Variants in DACH1 observed in about 807,000 individuals in gnomAD.
The protein encoded by DACH1 is dachshund family transcription factor 1, also known as dachshund homolog 1.
In DACH1, 12 loss-of-function variants were observed where a neutral mutation model predicts 54.2. That is an observed-to-expected ratio of 0.22 (90% CI 0.14 to 0.36). The LOEUF (loss-of-function observed/expected upper bound fraction) is 0.36. DACH1 is among the 10% of genes least tolerant of loss of function. The pLI, the probability that DACH1 is intolerant of heterozygous loss-of-function variation, is 1.00. For synonymous variants in DACH1, 386 were observed against 366.2 expected, an observed-to-expected ratio of 1.05 and a Z score of -0.62; for missense variants, 805 against 929.8, an observed-to-expected ratio of 0.87 and a Z score of 1.75.
At position 71,557,055 on chromosome 13, in the gene DACH1, T is replaced by A; in HGVS notation, c.1539A>T (p.Gly513=). 6.2e-7 allele frequency: 1 copy of A among 1,609,152 alleles called. No individual in the cohort carries two copies. Among genetic ancestry groups the A allele is most frequent in the Admixed American group, 1.7e-5 (1 of 59,278 alleles). ...CAATATGCATCCTTTTTGACTCATGTCCCATGTCATGACCGGCCAAATCTC... is the reference window on the plus strand; with the variant it reads ...CAATATGCATCCTTTTTGACTCATGACCCATGTCATGACCGGCCAAATCTC... ...KEGDLAGHDM[G]HESKRMHIEK... Residue 513 remains glycine, a synonymous_variant, in exon 6 of 11, where the codon GGA becomes GGT. Transcript: ENST00000613252.
chr13:71,508,262 GTGGCCTGAATTCA>G (rs1566304915), intron 6 of DACH1, among the ~76,000 whole-genome samples: 1 of 152,062 alleles, frequency 6.6e-6, no homozygotes, highest in Non-Finnish European at 1.5e-5. Flanking sequence ...TATAATTCAC[GTGGCCTGAATTCA>G]TTGTGAATTG....
chr13:71,481,128 T>A (rs1190217605), intron 7 of DACH1, among the ~76,000 whole-genome samples: 1 of 152,220 alleles, frequency 6.6e-6, no homozygotes, highest in African/African-American at 2.4e-5. Flanking sequence ...TTAGCTGTAT[T>A]TTAATTCTAA....
chr13:71,764,854 G>T (rs1452873414), intron 1 of DACH1, among the ~76,000 whole-genome samples: 1 of 152,142 alleles, frequency 6.6e-6, no homozygotes, highest in East Asian at 1.9e-4. Context: ...TGAAATATAC[G>T]ATTGGTCTTT....
At chr13:71,816,880 G>C (rs1030894355) in intron 1 of DACH1, among the ~76,000 whole-genome samples, 8 of 151,926 alleles carry the variant, frequency 5.3e-5, no homozygotes, top group African/African-American at 9.7e-5. Flanking sequence ...TGGACACATA[G>C]AGGGAAACAA....
At chr13:71,611,868 G>T (rs560923532) in intron 3 of DACH1, among the ~76,000 whole-genome samples, 2 of 152,116 alleles carry the variant, frequency 1.3e-5, no homozygotes, top group East Asian at 3.9e-4. Flanking sequence ...CCCAAGATGT[G>T]CATGGTGTTT....
intron 3 of DACH1, among the ~76,000 whole-genome samples, chr13:71,628,264 T>C (rs1274494324): frequency 6.6e-6 from 1 of 151,950 alleles, no homozygotes; most frequent in Non-Finnish European, 1.5e-5. Flanking sequence ...GCTTTGTACC[T>C]CCCCCATTAC....
intron 6 of DACH1, among the ~76,000 whole-genome samples, chr13:71,503,953 T>G (rs1027470410): frequency 2.0e-5 from 3 of 152,178 alleles, no homozygotes; most frequent in African/African-American, 7.2e-5. Context: ...TGTATGTTTA[T>G]GTCATTGTCA....
At chr13:71,828,301 G>A (rs1888456875) in intron 1 of DACH1, among the ~76,000 whole-genome samples, 1 of 151,916 alleles carries the variant, frequency 6.6e-6, no homozygotes, top group Non-Finnish European at 1.5e-5. Context: ...GCGTTACAGG[G>A]TAACGGAAAG....
chr13:71,816,619 CGTG>C (rs1887949575), intron 1 of DACH1, among the ~76,000 whole-genome samples: 1 of 138,162 alleles, frequency 7.2e-6, no homozygotes, highest in Admixed American at 7.2e-5. Flanking sequence ...TATATATACA[CGTG>C]TATATATACA....
At chr13:71,538,472 T>C (rs573896198) in intron 6 of DACH1, among the ~76,000 whole-genome samples, 3 of 152,114 alleles carry the variant, frequency 2.0e-5, no homozygotes, top group African/African-American at 7.2e-5. Context: ...CTTCCTTACC[T>C]ATATAAGAAT....
chr13:71,562,732 C>T (rs1335024589), intron 4 of DACH1, among the ~76,000 whole-genome samples: 1 of 152,068 alleles, frequency 6.6e-6, no homozygotes, highest in Non-Finnish European at 1.5e-5. Context: ...AGAAACTTCA[C>T]ATCTGGATGC....
chr13:71,665,456 A>G (rs1031969962), intron 2 of DACH1, among the ~76,000 whole-genome samples: 1 of 152,056 alleles, frequency 6.6e-6, no homozygotes, highest in Admixed American at 6.6e-5. Context: ...ATAAATCTTC[A>G]AAATGAAACT....
chr13:71,739,201 G>A (rs1158223723), intron 1 of DACH1, among the ~76,000 whole-genome samples: 2 of 151,962 alleles, frequency 1.3e-5, no homozygotes, highest in Non-Finnish European at 1.5e-5. Flanking sequence ...GTGGTGAGCC[G>A]AGATCGCGCC....
chr13:71,516,802 G>T (rs901245318), intron 6 of DACH1, among the ~76,000 whole-genome samples: 1 of 151,792 alleles, frequency 6.6e-6, no homozygotes, highest in Admixed American at 6.6e-5. Context: ...CTCCAGAGCA[G>T]ATTGAGCAAA....
intron 6 of DACH1, among the ~76,000 whole-genome samples, chr13:71,491,788 A>C (rs563331838): frequency 3.5e-4 from 54 of 152,262 alleles, no homozygotes; most frequent in Non-Finnish European, 6.6e-4. Flanking sequence ...CTCTTCCTAC[A>C]AAGATTGTAA....
At chr13:71,482,945 C>T (rs532078047) in intron 7 of DACH1, among the ~76,000 whole-genome samples, 16 of 151,956 alleles carry the variant, frequency 1.1e-4, no homozygotes, top group Non-Finnish European at 1.9e-4. Flanking sequence ...GGATTACAGG[C>T]ATGTGCCACC....
At chr13:71,776,784 A>C (rs906459342) in intron 1 of DACH1, among the ~76,000 whole-genome samples, 5 of 152,098 alleles carry the variant, frequency 3.3e-5, no homozygotes, top group Non-Finnish European at 7.4e-5. Flanking sequence ...CTACACCCCA[A>C]ATAAACCCTG....
At chr13:71,568,922 T>A (rs1885044134) in intron 4 of DACH1, among the ~76,000 whole-genome samples, 1 of 152,010 alleles carries the variant, frequency 6.6e-6, no homozygotes, top group African/African-American at 2.4e-5. Flanking sequence ...TGTGCATATA[T>A]CCACACAACT....
rs552808622 is a variant in DACH1, at chr13:71,519,883, G to GTGTATATA, written c.1571-30736_1571-30735insTATATACA. Among the ~76,000 whole-genome samples the GTGTATATA allele has an allele frequency of 4.4e-3, 129 of 29,350 alleles. 22 individuals are homozygous for GTGTATATA. The highest frequency in any genetic ancestry group is 5.4e-3 in the Admixed American group (11 of 2,028). 19.3% of individuals were successfully genotyped at this position (29,350 alleles called of 152,430 possible). A position where few individuals can be genotyped will look rare whatever the true frequency, so the allele number is the denominator to read the frequency against. ...AGATGTTTGTGTCCAAACCAAAGTA[G>GTGTATATA]TATATATATATATATATATATATAT... is the stretch of plus-strand genomic sequence containing the variant. On this transcript the variant is annotated intron_variant, in intron 6 of 10. Transcript: ENST00000613252.
Sources: allele counts gnomAD v4.1 joint callset (sites outside exome capture counted in the v4.1 genomes callset), GRCh38; gene constraint gnomAD v4.1.1; transcripts MANE v1.5; gene names NCBI Gene and HGNC (gene_info 2026-07-23, HGNC 2026-07-21).